SETD2: variants seen among roughly 807,000 people sequenced by gnomAD.
SETD2 encodes the protein histone-lysine N-methyltransferase SETD2.
SETD2 carries 31 observed loss-of-function variants against 242.1 expected under a neutral mutation model. The observed-to-expected ratio is 0.13, with a 90% confidence interval of 0.10 to 0.17. The LOEUF (loss-of-function observed/expected upper bound fraction) is 0.17. SETD2 is among the 10% of genes least tolerant of loss of function. The pLI is 1.00. For synonymous variants in SETD2, 1,006 were observed against 1,066.5 expected, an observed-to-expected ratio of 0.94 and a Z score of 1.11; for missense variants, 2,481 against 3,046.3, an observed-to-expected ratio of 0.81 and a Z score of 4.37.
At chr3:47,134,254 G>C (rs549295829) in intron 1 of SETD2, among the ~76,000 whole-genome samples, 25 of 152,248 alleles carry the variant, frequency 1.6e-4, no homozygotes, top group Non-Finnish European at 2.6e-4. Context: ...GTTGTGGGGG[G>C]GAAAAGTTTG....
In SETD2 at chr3:47,046,569, G is replaced by C. The variant is rs1364648104; in HGVS notation, c.7016C>G (p.Ala2339Gly). ...QYIQGQQIFT[A>G]HPQGVVVQPA... ...CTGTACCACCACTCCTTGTGGATGAGCTGTGAAAATCTGTTGCCCCTGGAT... is the reference window on the plus strand; with the variant it reads ...CTGTACCACCACTCCTTGTGGATGACCTGTGAAAATCTGTTGCCCCTGGAT... Residue 2339 changes from alanine to glycine, a missense_variant, in exon 16 of 21, where the codon GCT (alanine) becomes GGT (glycine). Physicochemically the swap from Ala to Gly is moderately conservative, Grantham distance 60. Transcript: ENST00000409792. 6.2e-7 allele frequency: 1 copy of C among 1,613,352 alleles called. No homozygotes were observed. The highest frequency in any genetic ancestry group is 1.3e-5 in the African/African-American group (1 of 74,904).
At chr3:47,051,413 A>G (rs1478125915) in intron 15 of SETD2, among the ~76,000 whole-genome samples, 3 of 152,094 alleles carry the variant, frequency 2.0e-5, no homozygotes, top group Non-Finnish European at 4.4e-5. Flanking sequence ...CCAGTCTCCT[A>G]CTTTTGCCCT....
At chr3:47,118,069 T>C (rs1043694632) in intron 3 of SETD2, among the ~76,000 whole-genome samples, 3 of 152,188 alleles carry the variant, frequency 2.0e-5, no homozygotes, top group Non-Finnish European at 2.9e-5. Flanking sequence ...CTAGTGCCAA[T>C]TTTATGAAGT....
intron 15 of SETD2, among the ~76,000 whole-genome samples, chr3:47,048,720 A>T (rs944061780): frequency 6.6e-6 from 1 of 151,968 alleles, no homozygotes; most frequent in Non-Finnish European, 1.5e-5. Flanking sequence ...CAGGGTGGAG[A>T]GCAGTGGTGC....
chr3:47,082,302 A>C (rs985159484), intron 12 of SETD2, among the ~76,000 whole-genome samples: 3 of 152,208 alleles, frequency 2.0e-5, no homozygotes, highest in African/African-American at 7.2e-5. Flanking sequence ...CTACAACCCT[A>C]CTTATTCTTC....
At chr3:47,097,836 C>A in intron 9 of SETD2, 119 bp downstream of exon 9, 1 of 932,002 alleles carries the variant, frequency 1.1e-6, no homozygotes, top group South Asian at 1.6e-5. Context: ...CTGGTAACAA[C>A]TCATCTGATC....
chr3:47,121,319 A>G lies in SETD2; in HGVS notation c.3317T>C (p.Leu1106Ser), dbSNP rs750263551. ...HYSDHWEDER[L>S]ESRRHLYEEK... is the part of the protein sequence containing the mutation. ...CTCATACAAATGTCTCCTTGACTCC[A>G]ATCTCTCATCTTCCCAATGGTCAGA... The change falls in exon 3 of 21, where the codon TTG becomes TCG. Residue 1106 changes from leucine to serine, a missense_variant. By Grantham distance (145) the Leu-to-Ser change is moderately radical (BLOSUM62 -2). Around this residue, in one of 17 missense-constraint regions of SETD2, gnomAD observed 1,300 missense variants for 1,259.2 expected, o/e 1.03. Transcript: ENST00000409792. 1.9e-6 allele frequency: 3 copies of G among 1,611,920 alleles called. No homozygotes were observed. Among genetic ancestry groups the G allele is most frequent in the Non-Finnish European group, 2.5e-6 (3 of 1,179,984 alleles).
chr3:47,085,811 G>A (rs933146297), intron 11 of SETD2, among the ~76,000 whole-genome samples: 1 of 152,094 alleles, frequency 6.6e-6, no homozygotes, highest in Admixed American at 6.5e-5. Context: ...CTCTTGTTAT[G>A]CAGAATTCAG....
At chr3:47,067,621 C>T (rs572076880) in intron 12 of SETD2, among the ~76,000 whole-genome samples, 1 of 151,914 alleles carries the variant, frequency 6.6e-6, no homozygotes, top group East Asian at 1.9e-4. Flanking sequence ...TATCACATTG[C>T]CCAGGCTGGT....
At chr3:47,038,228 G>A (rs2039111537) in intron 17 of SETD2, among the ~76,000 whole-genome samples, 1 of 152,198 alleles carries the variant, frequency 6.6e-6, no homozygotes, top group South Asian at 2.1e-4. Context: ...TTGACCACGT[G>A]AGAAAATTAT....
At chr3:47,102,413 T>G (rs1267084161) in intron 7 of SETD2, among the ~76,000 whole-genome samples, 1 of 152,150 alleles carries the variant, frequency 6.6e-6, no homozygotes, top group East Asian at 1.9e-4. Context: ...GCAAAAAATA[T>G]CCAGACTCAA....
At chr3:47,095,810 AAG>A (rs1343597801) in intron 9 of SETD2, among the ~76,000 whole-genome samples, 61 of 152,304 alleles carry the variant, frequency 4.0e-4, no homozygotes, top group Middle Eastern at 3.4e-3. Context: ...GAGAAAAAAA[AAG>A]AAAAAAATTA....
intron 1 of SETD2, among the ~76,000 whole-genome samples, chr3:47,147,318 A>G (rs1051976638): frequency 8.1e-5 from 10 of 123,618 alleles, no homozygotes; most frequent in African/African-American, 3.2e-4. Context: ...TAGCCACTGC[A>G]TGTCATTTTT....
At chr3:47,087,629 T>C (rs995196795) in intron 10 of SETD2, among the ~76,000 whole-genome samples, 6 of 152,118 alleles carry the variant, frequency 3.9e-5, no homozygotes, top group Non-Finnish European at 7.3e-5. Flanking sequence ...TTAAATAATA[T>C]GGTACAAGCT....
chr3:47,055,747 C>T (rs1199388461), intron 15 of SETD2, among the ~76,000 whole-genome samples: 5 of 151,466 alleles, frequency 3.3e-5, no homozygotes, highest in Non-Finnish European at 7.4e-5. Flanking sequence ...CGGTGGCTCA[C>T]GTCAGTAATC....
At chr3:47,117,287 A>C (rs71615457) in intron 3 of SETD2, among the ~76,000 whole-genome samples, 69,224 of 145,334 alleles carry the variant, frequency 0.48, 18,096 homozygotes, top group Non-Finnish European at 0.57. Context: ...AAAACAAACA[A>C]AAAAAAAAAC....
chr3:47,159,265 T>C (rs1697410311), intron 1 of SETD2, among the ~76,000 whole-genome samples: 1 of 152,194 alleles, frequency 6.6e-6, no homozygotes, highest in Non-Finnish European at 1.5e-5. Context: ...CAGACTTGGT[T>C]ATCAAATCAA....
At chr3:47,162,255 T>C (rs544806974) in intron 1 of SETD2, among the ~76,000 whole-genome samples, 14 of 152,328 alleles carry the variant, frequency 9.2e-5, no homozygotes, top group African/African-American at 3.1e-4. Flanking sequence ...GCAAGTGCTA[T>C]ATAAGCATTT....
At chr3:47,054,957 T>C (rs1411724259) in intron 15 of SETD2, among the ~76,000 whole-genome samples, 1 of 152,104 alleles carries the variant, frequency 6.6e-6, no homozygotes, top group African/African-American at 2.4e-5. Flanking sequence ...GAGTCAAATC[T>C]CTTTCCCCTA....
Sources: allele counts gnomAD v4.1 joint callset (sites outside exome capture counted in the v4.1 genomes callset), GRCh38; gene constraint gnomAD v4.1.1; regional missense constraint gnomAD v4.1.1; transcripts MANE v1.5; gene names NCBI Gene and HGNC (gene_info 2026-07-23, HGNC 2026-07-21).